FERMT1: variants seen among roughly 807,000 people sequenced by gnomAD.
FERMT1 encodes the protein FERM domain containing kindlin 1.
FERMT1 carries 60 observed loss-of-function variants against 85.3 expected under a neutral mutation model. The ratio of observed to expected loss-of-function variants is 0.70; its 90% confidence interval spans 0.57 to 0.87. The LOEUF (loss-of-function observed/expected upper bound fraction) is 0.87. FERMT1 is among the 40% of genes least tolerant of loss of function. The pLI, the probability that FERMT1 is intolerant of heterozygous loss-of-function variation, is 0.00. For synonymous variants in FERMT1, 275 were observed against 301.1 expected, an observed-to-expected ratio of 0.91 and a Z score of 0.90; for missense variants, 701 against 818.9, an observed-to-expected ratio of 0.86 and a Z score of 1.76.
chr20:6,102,263 TTC>T (rs1191503327), intron 6 of FERMT1, among the ~76,000 whole-genome samples: 4 of 152,098 alleles, frequency 2.6e-5, no homozygotes. Flanking sequence ...CCTATAGGAC[TTC>T]CCCCCAATAC....
chr20:6,079,381 C>T (rs1981929287), intron 14 of FERMT1, 55 bp downstream of exon 14: 1 of 1,587,930 alleles, frequency 6.3e-7, no homozygotes, highest in African/African-American at 1.4e-5. Context: ...ATCTGCAATT[C>T]TGAGGGACAC....
At chr20:6,105,355 A>G (rs1271513297) in intron 6 of FERMT1, among the ~76,000 whole-genome samples, 4 of 152,160 alleles carry the variant, frequency 2.6e-5, no homozygotes, top group Admixed American at 6.5e-5. Flanking sequence ...GTGGTCCACA[A>G]GCTTGTATGA....
At chr20:6,084,359 A>T (rs1338837995) in intron 12 of FERMT1, among the ~76,000 whole-genome samples, 195 bp from the exon 13 acceptor site, 6 of 152,194 alleles carry the variant, frequency 3.9e-5, no homozygotes, top group African/African-American at 7.2e-5. Flanking sequence ...CAGGAAAAGG[A>T]TCACCCAACA....
chr20:6,107,969 G>A (rs1340208488), intron 5 of FERMT1, among the ~76,000 whole-genome samples: 4 of 152,154 alleles, frequency 2.6e-5, no homozygotes, highest in Admixed American at 1.3e-4. Flanking sequence ...AGGTTCAAGC[G>A]ATTCTCTTGC....
chr20:6,105,579 C>T (rs1232859775), intron 6 of FERMT1, among the ~76,000 whole-genome samples: 1 of 152,190 alleles, frequency 6.6e-6, no homozygotes, highest in Non-Finnish European at 1.5e-5. Flanking sequence ...AACTACAAAT[C>T]TTCTTTATTC....
Position 6,110,476 on chromosome 20 carries a change from T to A in FERMT1, c.568A>T (p.Ile190Leu). The A allele has an allele frequency of 6.2e-7, 1 of 1,614,118 alleles. No individual in the cohort carries two copies. Among genetic ancestry groups the A allele is most frequent in the South Asian group, 1.1e-5 (1 of 91,086 alleles). ...GGTGTTCCATTGATGGGGTCATATA[T>A]AGGGGTCATGGTTTTACTGTATAAA... ...PGLYSKTMTP[I>L]YDPINGTPAS... The change falls in exon 5 of 15, where the codon ATA becomes TTA. Residue 190 changes from isoleucine to leucine, a missense_variant. Physicochemically the swap from Ile to Leu is conservative, Grantham distance 5. Transcript: ENST00000217289.
chr20:6,106,395 A>C (rs1982797572), intron 6 of FERMT1, among the ~76,000 whole-genome samples: 1 of 152,116 alleles, frequency 6.6e-6, no homozygotes, highest in Non-Finnish European at 1.5e-5. Context: ...CTCTTACAAG[A>C]GGTGGAAATG....
In FERMT1 at chr20:6,088,528, G is replaced by A. The variant is rs189614365; in HGVS notation, c.1264+437C>T. Reference sequence around the variant, plus strand: ...TTGGAAGAGCAGCTGCAGCCAGGCTGTCATTTGGAAAACAGTGACACTGGT... The same window carrying A: ...TTGGAAGAGCAGCTGCAGCCAGGCTATCATTTGGAAAACAGTGACACTGGT... On this transcript the variant is annotated intron_variant, in intron 10 of 14. Coordinates refer to ENST00000217289, the MANE Select transcript of FERMT1 (RefSeq NM_017671.5). Among the ~76,000 whole-genome samples the A allele has an allele frequency of 7.2e-5, 11 of 152,164 alleles. No homozygotes were observed. The East Asian group carries it at 2.1e-3, about 29-fold the overall frequency.
rs1307508609 is a variant in FERMT1, at chr20:6,115,884, C to T, written c.312G>A (p.Leu104=). 1 of 1,614,176 alleles carries T rather than the reference C, an allele frequency of 6.2e-7. No individual in the cohort carries two copies. The highest frequency in any genetic ancestry group is 8.5e-7 in the Non-Finnish European group (1 of 1,180,034). The change falls in exon 3 of 15, where the codon TTG becomes TTA. Residue 104 remains leucine (L), a synonymous_variant. Coordinates refer to ENST00000217289, the MANE Select transcript of FERMT1 (RefSeq NM_017671.5). ...AGCTGACTCGCAACCTCACCATCTT[C>T]AAATTCGGCAGACGAAGGCGCAGCA... ...HKMLRLRLPN[L]KMVRLRVSFS...
At chr20:6,093,620 A>G (rs150158624) in intron 9 of FERMT1, among the ~76,000 whole-genome samples, 2 of 152,344 alleles carry the variant, frequency 1.3e-5, no homozygotes, top group East Asian at 3.9e-4. Flanking sequence ...TTATAACAAT[A>G]TGAGTGAAAT....
At chr20:6,107,228 C>A (rs1385285291) in intron 6 of FERMT1, among the ~76,000 whole-genome samples, 2 of 149,140 alleles carry the variant, frequency 1.3e-5, no homozygotes, top group Non-Finnish European at 3.0e-5. Context: ...AAAAGAACTC[C>A]AGCTCTCTGA....
At position 6,084,117 on chromosome 20, in the gene FERMT1, G is replaced by T. The variant is rs955344029; in HGVS notation, c.1641C>A (p.Pro547=). The T allele has an allele frequency of 3.1e-6, 5 of 1,613,774 alleles. No homozygotes were observed. Among genetic ancestry groups the T allele is most frequent in the Non-Finnish European group, 4.2e-6 (5 of 1,179,868 alleles). ...LEAHQNVAQM[P]LVEAKLRFIQ... The stretch of plus-strand genomic sequence containing the variant: ...TGAACCGCAGCTTGGCTTCGACCAG[G>T]GGCATCTGGGCCACGTTCTGGTGCG... Residue 547 remains proline, a synonymous_variant, in exon 13 of 15, where the codon CCC becomes CCA. Transcript: ENST00000217289.
intron 5 of FERMT1, among the ~76,000 whole-genome samples, chr20:6,108,447 G>A (rs1324414867): frequency 1.3e-5 from 2 of 152,080 alleles, no homozygotes; most frequent in Non-Finnish European, 2.9e-5. Context: ...AGGGGCCAGG[G>A]CAGTTCTTAT....
At chr20:6,114,322 C>T (rs1983040092) in intron 3 of FERMT1, among the ~76,000 whole-genome samples, 1 of 152,150 alleles carries the variant, frequency 6.6e-6, no homozygotes, top group South Asian at 2.1e-4. Flanking sequence ...AAGGGAAAAA[C>T]CACTAAACTG....
intron 2 of FERMT1, among the ~76,000 whole-genome samples, chr20:6,117,177 A>C (rs557929903): frequency 1.5e-4 from 23 of 152,292 alleles, no homozygotes; most frequent in African/African-American, 5.5e-4. Flanking sequence ...TATTGGAGTC[A>C]ATTTTCAATC....
intron 3 of FERMT1, among the ~76,000 whole-genome samples, chr20:6,113,329 C>A (rs1424773105): frequency 6.6e-6 from 1 of 152,080 alleles, no homozygotes; most frequent in Non-Finnish European, 1.5e-5. Context: ...TCAGATATGT[C>A]TTTATCAGCA....
At chr20:6,087,906 A>G (rs757948800) in intron 10 of FERMT1, 23 bp from the exon 11 acceptor site, 4 of 1,333,550 alleles carry the variant, frequency 3.0e-6, no homozygotes, top group Admixed American at 3.4e-5. Context: ...GATCAGAGAC[A>G]AAACTGAGTT....
At chr20:6,099,980 T>A (rs1439710300) in intron 6 of FERMT1, among the ~76,000 whole-genome samples, 2 of 145,908 alleles carry the variant, frequency 1.4e-5, no homozygotes. Flanking sequence ...AGAGAGACTA[T>A]CTCAGAAAAA....
intron 1 of FERMT1, chr20:6,120,447 A>G (rs953750315): frequency 8.5e-5 from 13 of 152,372 alleles, no homozygotes; most frequent in African/African-American, 3.1e-4. Flanking sequence ...GGGAGAAGCT[A>G]GCAGGAAAGA....
Sources: gnomAD v4.1 joint callset for allele counts (sites outside exome capture counted in the v4.1 genomes callset) on GRCh38, gnomAD v4.1.1 for gene constraint, MANE v1.5 for transcripts, NCBI Gene and HGNC (gene_info 2026-07-23, HGNC 2026-07-21) for gene names.